Variants in NAB1 observed in about 807,000 individuals in gnomAD.
The protein encoded by NAB1 is NGFI-A binding protein 1, also known as NGFI-A-binding protein 1.
Under a neutral mutation model 49.9 loss-of-function variants are expected in NAB1, and 25 were observed. The observed-to-expected ratio is 0.50, with a 90% confidence interval of 0.37 to 0.70. NAB1 has a LOEUF of 0.70. NAB1 is among the 30% of genes least tolerant of loss of function. The probability of loss-of-function intolerance (pLI) is 0.00; values close to 1 mark genes in which losing one functional copy is unlikely to be tolerated. For synonymous variants in NAB1, 198 were observed against 215.6 expected, an observed-to-expected ratio of 0.92 and a Z score of 0.71; for missense variants, 489 against 575.9, an observed-to-expected ratio of 0.85 and a Z score of 1.54.
Position 190,667,339 on chromosome 2 carries a change from G to A in NAB1, c.820-2987G>A, listed in dbSNP as rs769536481. On this transcript the variant is annotated intron_variant, in intron 4 of 9. Coordinates refer to ENST00000337386, the MANE Select transcript of NAB1 (RefSeq NM_005966.4). The surrounding 1 kb of genome is among the most constrained non-coding windows in gnomAD (Gnocchi z 4.4). ...TTAAAACATCTTACTGAAAATCAGA[G>A]GTTTCCTTAGTAATTTAGATTTATT... Among the ~76,000 whole-genome samples the A allele has an allele frequency of 6.6e-6, 1 of 152,148 alleles. No homozygotes were observed. The highest frequency in any genetic ancestry group is 1.5e-5 in the Non-Finnish European group (1 of 68,034).
chr2:190,680,594 AG>A lies in NAB1; in HGVS notation c.1006-3143del. ...CCATATTGAGTACAGTGTATGAATCAGCTGGGTGGATGCGACATTTTTGTTG... is the reference window on the plus strand; with the variant it reads ...CCATATTGAGTACAGTGTATGAATCACTGGGTGGATGCGACATTTTTGTTG... On this transcript the variant is annotated intron_variant, in intron 6 of 9. Coordinates refer to ENST00000337386, the MANE Select transcript of NAB1 (RefSeq NM_005966.4). The surrounding 1 kb of genome is among the most constrained non-coding windows in gnomAD (Gnocchi z 5.2). Among the ~76,000 whole-genome samples the A allele has an allele frequency of 6.6e-6, 1 of 152,340 alleles. No homozygotes were observed. The highest frequency in any genetic ancestry group is 2.4e-5 in the African/African-American group (1 of 41,586).
chr2:190,656,454 G>A (rs888397682), intron 3 of NAB1, among the ~76,000 whole-genome samples: 1 of 152,194 alleles, frequency 6.6e-6, no homozygotes, highest in African/African-American at 2.4e-5. Context: ...CTTAGGAGGA[G>A]AACTCCTTTT....
At position 190,659,796 on chromosome 2, in the gene NAB1, C is replaced by T. The variant is rs1694126202; in HGVS notation, c.620C>T (p.Ala207Val). The change falls in exon 4 of 10, where the codon GCC becomes GTC. Residue 207 changes from alanine to valine, a missense_variant. Physicochemically the swap from Ala to Val is moderately conservative, Grantham distance 64 (BLOSUM62 0). Around this residue, in one of 4 missense-constraint regions of NAB1, gnomAD observed 204 missense variants for 220.9 expected, o/e 0.92. Coordinates refer to ENST00000337386, the MANE Select transcript of NAB1 (RefSeq NM_005966.4). This position sits in a 1 kb window ranked among gnomAD's most constrained non-coding sequence, Gnocchi z 6.2. Reference sequence around the variant, plus strand: ...GTGGCTGAGTGTGTGGAGCGGATGGCCCCCACACTGCCAAAAAGTGACTTG... The same window carrying T: ...GTGGCTGAGTGTGTGGAGCGGATGGTCCCCACACTGCCAAAAAGTGACTTG... ...LSVAECVERMAPTLPKSDLNE... is the reference protein window; with the variant it reads ...LSVAECVERMVPTLPKSDLNE... The T allele has an allele frequency of 3.7e-6, 6 of 1,613,702 alleles. No individual in the cohort carries two copies. Among genetic ancestry groups the T allele is most frequent in the Non-Finnish European group, 5.1e-6 (6 of 1,179,970 alleles).
rs1695136518 is a variant in NAB1 at position 190,677,598 on chromosome 2, T to G, written c.1005+4446T>G. On this transcript the variant is annotated intron_variant, in intron 6 of 9. Coordinates refer to ENST00000337386, the MANE Select transcript of NAB1 (RefSeq NM_005966.4). This position sits in a 1 kb window ranked among gnomAD's most constrained non-coding sequence, Gnocchi z 5.6. ...TTAAATCTTCTCATTCTGGGGCAAT[T>G]GTAAAAATCGCTACTTTGTATTGCT... 6.6e-6 allele frequency: 1 copy of G among 152,242 alleles called. No individual in the cohort carries two copies. The highest frequency in any genetic ancestry group is 6.5e-5 in the Admixed American group (1 of 15,284). 9.4% of individuals were successfully genotyped at this position (152,242 alleles called of 1,614,324 possible).
At position 190,679,823 on chromosome 2, in the gene NAB1, C is replaced by T. The variant is rs1218430888; in HGVS notation, c.1006-3915C>T. 1.3e-5 allele frequency among the ~76,000 whole-genome samples: 2 copies of T among 152,110 alleles called. No homozygotes were observed. The highest frequency in any genetic ancestry group is 2.9e-5 in the Non-Finnish European group (2 of 68,024). On this transcript the variant is annotated intron_variant, in intron 6 of 9. Coordinates refer to ENST00000337386, the MANE Select transcript of NAB1 (RefSeq NM_005966.4). This position sits in a 1 kb window ranked among gnomAD's most constrained non-coding sequence, Gnocchi z 5.3. Reference sequence around the variant, plus strand: ...GGGCTCATGGGGATTCTGATTGGTGCACTCCACTCAGATTCTGCTGATGAA... The same window carrying T: ...GGGCTCATGGGGATTCTGATTGGTGTACTCCACTCAGATTCTGCTGATGAA...
intron 4 of NAB1, among the ~76,000 whole-genome samples, chr2:190,660,257 G>C (rs1694154243): frequency 6.6e-6 from 1 of 152,156 alleles, no homozygotes; most frequent in Non-Finnish European, 1.5e-5. Context: ...CAGAATTTAA[G>C]CAGTGAAAGC....
intron 5 of NAB1, 39 bp from the exon 6 acceptor site, chr2:190,673,062 C>A: frequency 6.5e-7 from 1 of 1,539,766 alleles, no homozygotes; most frequent in South Asian, 1.1e-5. Flanking sequence ...CAGTTACTTT[C>A]TCAAGTTTTT....
In NAB1 at chr2:190,683,722, C is replaced by A; in HGVS notation, c.1006-16C>A. On this transcript the variant is annotated splice_polypyrimidine_tract_variant and intron_variant, in intron 6 of 9. Coordinates refer to ENST00000337386, the MANE Select transcript of NAB1 (RefSeq NM_005966.4). ...TACAAACTCTAAATATAAAGGACTTCTTATTTGACCCACAGGATGGGTTTC... is the reference window on the plus strand; with the variant it reads ...TACAAACTCTAAATATAAAGGACTTATTATTTGACCCACAGGATGGGTTTC... 1 of 1,588,090 alleles carries A rather than the reference C, an allele frequency of 6.3e-7. No homozygotes were observed. Among genetic ancestry groups the A allele is most frequent in the South Asian group, 1.1e-5 (1 of 88,116 alleles).
At position 190,686,226 on chromosome 2, in the gene NAB1, G is replaced by A. The variant is rs1247688656; in HGVS notation, c.1258+588G>A. On this transcript the variant is annotated intron_variant, in intron 8 of 9. Coordinates refer to ENST00000337386, the MANE Select transcript of NAB1 (RefSeq NM_005966.4). This position sits in a 1 kb window ranked among gnomAD's most constrained non-coding sequence, Gnocchi z 5.5. Reference sequence around the variant, plus strand: ...ATTTTATTTTTTTAGCAATTCCTATGTGCCAGGCACTCTCCTAGGCACTGA... The same window carrying A: ...ATTTTATTTTTTTAGCAATTCCTATATGCCAGGCACTCTCCTAGGCACTGA... 1.3e-5 allele frequency among the ~76,000 whole-genome samples: 2 copies of A among 152,040 alleles called. No homozygotes were observed. Among genetic ancestry groups the A allele is most frequent in the Non-Finnish European group, 2.9e-5 (2 of 68,012 alleles).
chr2:190,689,555 C>T lies in NAB1; in HGVS notation c.1376-690C>T, dbSNP rs1332266348. On this transcript the variant is annotated intron_variant, in intron 9 of 9. Transcript: ENST00000337386. The surrounding 1 kb of genome is among the most constrained non-coding windows in gnomAD (Gnocchi z 4.3). ...CATGTATATGTGTGTGTACATATCT[C>T]CCAGTATTTGTACTTTACATAAAGG... 6.6e-6 allele frequency among the ~76,000 whole-genome samples: 1 copy of T among 152,014 alleles called. No individual in the cohort carries two copies. The highest frequency in any genetic ancestry group is 1.5e-5 in the Non-Finnish European group (1 of 67,990).
In NAB1 at chr2:190,663,344, G is replaced by GCC. The variant is rs1374762687; in HGVS notation, c.819+3350_819+3351dup. Among the ~76,000 whole-genome samples, 1 of 152,106 alleles carries GCC rather than the reference G, an allele frequency of 6.6e-6. No individual in the cohort carries two copies. Among genetic ancestry groups the GCC allele is most frequent in the Non-Finnish European group, 1.5e-5 (1 of 68,030 alleles). On this transcript the variant is annotated intron_variant, in intron 4 of 9. Coordinates refer to ENST00000337386, the MANE Select transcript of NAB1 (RefSeq NM_005966.4). The surrounding 1 kb of genome is among the most constrained non-coding windows in gnomAD (Gnocchi z 4.2). The stretch of plus-strand genomic sequence containing the variant: ...CTCTCCTTAGCTCCTGACCAACCTT[G>GCC]CCAAAGGTTTGCCAATTTTATTCTT...
At chr2:190,660,038 G>A in intron 4 of NAB1, 43 bp downstream of exon 4, 2 of 1,526,914 alleles carry the variant, frequency 1.3e-6, no homozygotes, top group Non-Finnish European at 1.8e-6. Flanking sequence ...TATGTGGCAT[G>A]TTGCTAGTCG....
chr2:190,661,721 A>G (rs1694237430), intron 4 of NAB1, among the ~76,000 whole-genome samples: 1 of 152,214 alleles, frequency 6.6e-6, no homozygotes. Flanking sequence ...GAAATACTCA[A>G]AATGAATGCC....
At position 190,688,792 on chromosome 2, in the gene NAB1, CTTCCTTTCT is replaced by C. The variant is rs1247899775; in HGVS notation, c.1376-1441_1376-1433del. Among the ~76,000 whole-genome samples, 4 of 149,156 alleles carry C rather than the reference CTTCCTTTCT, an allele frequency of 2.7e-5. No homozygotes were observed. In the East Asian group the frequency reaches 7.8e-4, roughly 29 times the overall value. The stretch of plus-strand genomic sequence containing the variant: ...TTTCTTTCTTCCTTTCCTTTCTTTC[CTTCCTTTCT>C]TTCCTTTCTTTTCTTTCCTTTCTTT... On this transcript the variant is annotated intron_variant, in intron 9 of 9. Coordinates refer to ENST00000337386, the MANE Select transcript of NAB1 (RefSeq NM_005966.4).
In NAB1 at chr2:190,680,884, C is replaced by A. The variant is rs990127833; in HGVS notation, c.1006-2854C>A. Among the ~76,000 whole-genome samples, 1 of 152,136 alleles carries A rather than the reference C, an allele frequency of 6.6e-6. No individual in the cohort carries two copies. Among genetic ancestry groups the A allele is most frequent in the African/African-American group, 2.4e-5 (1 of 41,404 alleles). On this transcript the variant is annotated intron_variant, in intron 6 of 9. Transcript: ENST00000337386. This position sits in a 1 kb window ranked among gnomAD's most constrained non-coding sequence, Gnocchi z 5.2. ...TATCAAGTAATTCCTATGGGCCAGGCACTGTGTTAAGTATTTTTCATGAAT... is the reference window on the plus strand; with the variant it reads ...TATCAAGTAATTCCTATGGGCCAGGAACTGTGTTAAGTATTTTTCATGAAT...
In NAB1 at chr2:190,660,297, GTTT is replaced by G. The variant is rs373448431; in HGVS notation, c.819+306_819+308del. 4.1e-3 allele frequency among the ~76,000 whole-genome samples: 628 copies of G among 152,204 alleles called. 11 individuals are homozygous for G. The East Asian group carries it at 0.046, about 11-fold the overall frequency. ...AGTCTTTGCATTTGTAAGGCTGTTTGTTTTTTAATTAAAAAATAAAACTAGGTT... is the reference window on the plus strand; with the variant it reads ...AGTCTTTGCATTTGTAAGGCTGTTTGTTTAATTAAAAAATAAAACTAGGTT... On this transcript the variant is annotated intron_variant, in intron 4 of 9. Coordinates refer to ENST00000337386, the MANE Select transcript of NAB1 (RefSeq NM_005966.4).
chr2:190,664,126 A>C (rs1467369189), intron 4 of NAB1, among the ~76,000 whole-genome samples: 1 of 152,182 alleles, frequency 6.6e-6, no homozygotes, highest in African/African-American at 2.4e-5. Flanking sequence ...CTGTCATTCA[A>C]ATCTTATATT....
At chr2:190,660,824 G>C (rs1694186240) in intron 4 of NAB1, among the ~76,000 whole-genome samples, 1 of 152,048 alleles carries the variant, frequency 6.6e-6, no homozygotes. Context: ...TATACTCTGG[G>C]TTTCTTCAAG....
intron 4 of NAB1, among the ~76,000 whole-genome samples, chr2:190,660,542 ATGTGTG>A (rs1259180371): frequency 6.6e-6 from 1 of 152,208 alleles, no homozygotes; most frequent in African/African-American, 2.4e-5. Context: ...GCTTAAGTTC[ATGTGTG>A]TGTATATGTG....
Sources: allele counts gnomAD v4.1 joint callset (sites outside exome capture counted in the v4.1 genomes callset), GRCh38; gene constraint gnomAD v4.1.1; regional missense constraint gnomAD v4.1.1; non-coding constraint Gnocchi (gnomAD v3.1); transcripts MANE v1.5; gene names NCBI Gene and HGNC (gene_info 2026-07-23, HGNC 2026-07-21).